The following L3MBTL4 variants were observed in gnomAD, a reference collection of about 807,000 sequenced individuals.
L3MBTL4 encodes the protein lethal(3)malignant brain tumor-like protein 4.
A neutral mutation model predicts 84.5 loss-of-function variants in L3MBTL4; 70 were observed. That is an observed-to-expected ratio of 0.83 (90% CI 0.68 to 1.01). L3MBTL4 has a LOEUF of 1.01. Ranked by LOEUF, L3MBTL4 falls within the 50% of genes least tolerant of loss-of-function variation. L3MBTL4 has a pLI of 0.00. For synonymous variants in L3MBTL4, 274 were observed against 259.8 expected (o/e 1.05, Z -0.52); for missense variants, 715 against 754.8 (o/e 0.95, Z 0.62).
intron 5 of L3MBTL4, among the ~76,000 whole-genome samples, chr18:6,250,168 T>C (rs2047861196): frequency 6.6e-6 from 1 of 152,192 alleles, no homozygotes. Flanking sequence ...ATTGATTTTG[T>C]CACTAATAAA....
chr18:6,022,921 C>G (rs532155331), intron 16 of L3MBTL4, among the ~76,000 whole-genome samples: 5 of 152,294 alleles, frequency 3.3e-5, no homozygotes, highest in African/African-American at 9.6e-5. Flanking sequence ...TCACACTGCT[C>G]GGGTTTGACT....
intron 16 of L3MBTL4, among the ~76,000 whole-genome samples, chr18:6,040,126 C>T (rs183662519): frequency 6.6e-6 from 1 of 152,310 alleles, no homozygotes; most frequent in African/African-American, 2.4e-5. Flanking sequence ...TGGAATCTTA[C>T]TTCTCAGAAA....
chr18:6,383,262 C>T (rs369138254), intron 1 of L3MBTL4, among the ~76,000 whole-genome samples: 12 of 152,146 alleles, frequency 7.9e-5, no homozygotes, highest in African/African-American at 2.7e-4. Context: ...GGGGGTAGGA[C>T]CTGCTGAGCC....
At chr18:6,093,560 CAGT>C (rs748155407) in intron 14 of L3MBTL4, 32 bp from the exon 15 acceptor site, 1 of 1,553,790 alleles carries the variant, frequency 6.4e-7, no homozygotes, top group East Asian at 2.3e-5. Flanking sequence ...GCACAGTCAT[CAGT>C]ATACAGTGAT....
At chr18:6,238,184 C>G in intron 9 of L3MBTL4, 144 bp from the exon 10 acceptor site, 4 of 718,090 alleles carry the variant, frequency 5.6e-6, no homozygotes, top group Non-Finnish European at 4.9e-6. Flanking sequence ...ATTTTCAGTA[C>G]TGCATTAGTA....
At chr18:6,268,793 A>G (rs2048742454) in intron 4 of L3MBTL4, among the ~76,000 whole-genome samples, 1 of 152,248 alleles carries the variant, frequency 6.6e-6, no homozygotes, top group South Asian at 2.1e-4. Context: ...ATACATATGT[A>G]TACCAGGTAC....
At chr18:6,036,422 C>T (rs904358439) in intron 16 of L3MBTL4, among the ~76,000 whole-genome samples, 3 of 151,994 alleles carry the variant, frequency 2.0e-5, no homozygotes, top group African/African-American at 7.2e-5. Flanking sequence ...ATTTTCACTT[C>T]AGCTATTGTG....
intron 10 of L3MBTL4, among the ~76,000 whole-genome samples, chr18:6,228,221 C>A (rs977970748): frequency 5.3e-5 from 8 of 152,122 alleles, no homozygotes; most frequent in African/African-American, 1.9e-4. Flanking sequence ...AATCCATATT[C>A]CAAACAAAAA....
At chr18:6,382,001 C>A (rs2054612406) in intron 1 of L3MBTL4, among the ~76,000 whole-genome samples, 1 of 152,148 alleles carries the variant, frequency 6.6e-6, no homozygotes, top group African/African-American at 2.4e-5. Context: ...TTCACATAGT[C>A]CCATATTTCT....
intron 16 of L3MBTL4, among the ~76,000 whole-genome samples, chr18:6,067,073 T>A (rs2057425689): frequency 6.6e-6 from 1 of 152,206 alleles, no homozygotes; most frequent in South Asian, 2.1e-4. Context: ...TTTTTCTGGA[T>A]ACAAAATTCT....
intron 1 of L3MBTL4, among the ~76,000 whole-genome samples, chr18:6,327,335 G>A (rs1442568547): frequency 6.6e-6 from 1 of 152,166 alleles, no homozygotes; most frequent in African/African-American, 2.4e-5. Context: ...GCTTTTGTCT[G>A]TAACAGGAAA....
intron 4 of L3MBTL4, among the ~76,000 whole-genome samples, chr18:6,290,854 T>C (rs1473758347): frequency 1.3e-5 from 2 of 152,170 alleles, no homozygotes; most frequent in African/African-American, 2.4e-5. Flanking sequence ...TATCTACCTA[T>C]GGTCTAGACT....
intron 5 of L3MBTL4, among the ~76,000 whole-genome samples, chr18:6,252,014 C>CA (rs1409271946): frequency 1.3e-5 from 2 of 151,948 alleles, no homozygotes; most frequent in South Asian, 2.1e-4. Context: ...TGCGGCTGCT[C>CA]AAAAAAAGCA....
At position 6,005,716 on chromosome 18, in the gene L3MBTL4, A is replaced by C. The variant is rs749986804; in HGVS notation, c.1445-36154T>G. Among the ~76,000 whole-genome samples, 10 of 152,280 alleles carry C rather than the reference A, an allele frequency of 6.6e-5. 1 individual carries two copies. In the Middle Eastern group the frequency reaches 0.01, roughly 156 times the overall value. On this transcript the variant is annotated intron_variant, in intron 16 of 18. Transcript: ENST00000317931. ...GTATTCCATGGTGTATATGTACCAC[A>C]TCGTCTTTATCCAGTCTACTGTTGA...
chr18:6,274,501 G>A (rs1217224092), intron 4 of L3MBTL4, among the ~76,000 whole-genome samples: 1 of 152,160 alleles, frequency 6.6e-6, no homozygotes, highest in Non-Finnish European at 1.5e-5. Context: ...GCAAGCTTGA[G>A]TGATTTCTGT....
intron 4 of L3MBTL4, among the ~76,000 whole-genome samples, chr18:6,276,665 A>C (rs1271899378): frequency 6.6e-6 from 1 of 152,068 alleles, no homozygotes; most frequent in Non-Finnish European, 1.5e-5. Flanking sequence ...AAAAAAAAAA[A>C]AAAAACCCTA....
At chr18:6,231,295 T>C (rs753223413) in intron 10 of L3MBTL4, among the ~76,000 whole-genome samples, 3 of 152,208 alleles carry the variant, frequency 2.0e-5, no homozygotes, top group African/African-American at 4.8e-5. Flanking sequence ...CTTCTGTATA[T>C]GGCTAGCCAT....
At chr18:6,201,086 A>G (rs759867145) in intron 12 of L3MBTL4, among the ~76,000 whole-genome samples, 12 of 152,210 alleles carry the variant, frequency 7.9e-5, no homozygotes, top group Non-Finnish European at 1.8e-4. Flanking sequence ...TCGGGTAATC[A>G]AGGGATAAAA....
At chr18:6,163,616 C>T (rs1411591809) in intron 13 of L3MBTL4, among the ~76,000 whole-genome samples, 3 of 152,136 alleles carry the variant, frequency 2.0e-5, no homozygotes, top group Non-Finnish European at 4.4e-5. Flanking sequence ...AATTACCTGT[C>T]TGTGAATACA....
Sources: gnomAD v4.1 joint callset for allele counts (sites outside exome capture counted in the v4.1 genomes callset) on GRCh38, gnomAD v4.1.1 for gene constraint, MANE v1.5 for transcripts, NCBI Gene and HGNC (gene_info 2026-07-23, HGNC 2026-07-21) for gene names.